NTSR2: variants seen among roughly 807,000 people sequenced by gnomAD.
NTSR2 encodes the protein neurotensin receptor 2.
NTSR2 carries 22 observed loss-of-function variants against 24.1 expected under a neutral mutation model. That is an observed-to-expected ratio of 0.91 (90% CI 0.65 to 1.30). NTSR2 has a LOEUF of 1.30. Among genes scored for constraint, NTSR2 ranks in the 50% most tolerant of loss-of-function variants. The probability of loss-of-function intolerance (pLI) is 0.00; values close to 1 mark genes in which losing one functional copy is unlikely to be tolerated. For missense variants in NTSR2, 570 were observed against 570.4 expected, an observed-to-expected ratio of 1.00 and a Z score of 0.01; for synonymous variants, 291 against 267.0, an observed-to-expected ratio of 1.09 and a Z score of -0.88.
chr2:11,670,068 G>T lies in NTSR2; in HGVS notation c.62C>A (p.Ala21Asp). The stretch of plus-strand genomic sequence containing the variant: ...GAGGCGAGTGTCCACGCCCAGCCGG[G>T]CGTCCAGGCTCAGCCCCGGGTTGGA... ...PSSNPGLSLD[A>D]RLGVDTRLWA... is the part of the protein sequence containing the mutation. The change falls in exon 1 of 4, where the codon GCC becomes GAC. Residue 21 changes from alanine (A) to aspartate (D), a missense_variant. Ala to Asp is a moderately radical substitution (Grantham distance 126). Coordinates refer to ENST00000306928, the MANE Select transcript of NTSR2 (RefSeq NM_012344.4). 2 of 1,464,326 alleles carry T rather than the reference G, an allele frequency of 1.4e-6. No individual in the cohort carries two copies. The highest frequency in any genetic ancestry group is 1.8e-6 in the Non-Finnish European group (2 of 1,115,492). 90.7% of individuals were successfully genotyped at this position (1,464,326 alleles called of 1,614,324 possible).
At chr2:11,662,363 G>T in intron 1 of NTSR2, 123 bp from the exon 2 acceptor site, 1 of 938,108 alleles carries the variant, frequency 1.1e-6, no homozygotes, top group Non-Finnish European at 1.5e-6. Context: ...TAGAAGATAA[G>T]GTTGAGAAAG....
In NTSR2 at chr2:11,665,869, C is replaced by T. The variant is rs557979025; in HGVS notation, c.625-3629G>A. The T allele has an allele frequency of 1.5e-3, 227 of 155,620 alleles. 1 individual carries two copies. In the South Asian group the frequency reaches 0.018, roughly 12 times the overall value. The allele number at this position is 155,620 out of a possible 1,614,324, so 9.6% of individuals were successfully genotyped here. A position where few individuals can be genotyped will look rare whatever the true frequency, so the allele number is the denominator to read the frequency against. On this transcript the variant is annotated intron_variant, in intron 1 of 3. Transcript: ENST00000306928. ...ACCTTTCCTCTTGGCTTTGTAGACA[C>T]GACCCCAAGTGCCTCAGCCTACTTT...
intron 3 of NTSR2, 92 bp downstream of exon 3, chr2:11,659,951 A>C (rs909777809): frequency 7.2e-5 from 70 of 975,840 alleles, no homozygotes; most frequent in Non-Finnish European, 1.1e-4. Context: ...AGGACCCAGC[A>C]ATGGAGGGTC....
chr2:11,658,775 G>A (rs1660997306), intron 3 of NTSR2, 53 bp from the exon 4 acceptor site: 1 of 1,591,824 alleles, frequency 6.3e-7, no homozygotes, highest in Non-Finnish European at 8.6e-7. Flanking sequence ...TCCTCACAGT[G>A]TCCACTTCCT....
At chr2:11,659,644 C>T (rs982246954) in intron 3 of NTSR2, among the ~76,000 whole-genome samples, 1 of 152,226 alleles carries the variant, frequency 6.6e-6, no homozygotes, top group African/African-American at 2.4e-5. Flanking sequence ...ATGTCTTGGT[C>T]TCTGCCAAGG....
In NTSR2 at chr2:11,660,145, TGGAAAG is replaced by T; in HGVS notation, c.899-18_899-13del. On this transcript the variant is annotated splice_polypyrimidine_tract_variant and intron_variant, in intron 2 of 3. Coordinates refer to ENST00000306928, the MANE Select transcript of NTSR2 (RefSeq NM_012344.4). ...GACCACGATGGCTCCTGCAGAGCAT[TGGAAAG>T]GGAGAGACAGCGCCAGGAGAAAGCA... The T allele has an allele frequency of 1.2e-6, 2 of 1,608,408 alleles. No individual in the cohort carries two copies. Among genetic ancestry groups the T allele is most frequent in the African/African-American group, 1.3e-5 (1 of 74,900 alleles).
chr2:11,665,055 G>GTTTTTTT (rs34751276), intron 1 of NTSR2, among the ~76,000 whole-genome samples: 3 of 106,678 alleles, frequency 2.8e-5, no homozygotes, highest in Admixed American at 9.8e-5. Context: ...CTTTGGCACT[G>GTTTTTTT]TTTTTTTTTT....
At position 11,669,565 on chromosome 2, in the gene NTSR2, G is replaced by T; in HGVS notation, c.565C>A (p.Pro189Thr). The T allele has an allele frequency of 6.4e-7, 1 of 1,566,274 alleles. No individual in the cohort carries two copies. The highest frequency in any genetic ancestry group is 8.6e-7 in the Non-Finnish European group (1 of 1,164,232). The change falls in exon 1 of 4, where the codon CCC becomes ACC. Residue 189 changes from proline (P) to threonine (T), a missense_variant. By Grantham distance (38) the Pro-to-Thr change is conservative. Coordinates refer to ENST00000306928, the MANE Select transcript of NTSR2 (RefSeq NM_012344.4). ...ELETADGEPE[P>T]ASRVCTVLVS... ...AGCACCGTGCACACTCGCGAGGCGG[G>T]CTCCGGCTCCCCGTCCGCCGTCTCG... is the stretch of plus-strand genomic sequence containing the variant.
chr2:11,667,336 G>GTA (rs1475848493), intron 1 of NTSR2, among the ~76,000 whole-genome samples: 2 of 152,164 alleles, frequency 1.3e-5, no homozygotes, highest in Non-Finnish European at 2.9e-5. Context: ...AACAGATTAT[G>GTA]AACTTTTAAT....
chr2:11,664,862 C>T (rs1160260004), intron 1 of NTSR2, among the ~76,000 whole-genome samples: 1 of 152,038 alleles, frequency 6.6e-6, no homozygotes, highest in Non-Finnish European at 1.5e-5. Context: ...TAATTTGAGT[C>T]TGGTTATTTT....
At chr2:11,665,044 A>T (rs959888407) in intron 1 of NTSR2, among the ~76,000 whole-genome samples, 2 of 141,654 alleles carry the variant, frequency 1.4e-5, no homozygotes, top group Non-Finnish European at 3.0e-5. Context: ...ATTGCTTGGC[A>T]CTTTGGCACT....
intron 1 of NTSR2, 47 bp downstream of exon 1, chr2:11,669,459 C>CCGGGGGGGGGGGGGGGGG: frequency 1.2e-5 from 4 of 337,894 alleles, no homozygotes; most frequent in Non-Finnish European, 2.1e-5. Context: ...CTCCCAGCAC[C>CCGGGGGGGGGGGGGGGGG]GCCCCCCCAC....
intron 1 of NTSR2, among the ~76,000 whole-genome samples, chr2:11,663,523 A>G (rs545909677): frequency 6.6e-6 from 1 of 152,374 alleles, no homozygotes; most frequent in East Asian, 1.9e-4. Flanking sequence ...TTAAAAAACT[A>G]TGCAAATGAA....
rs574744701 is a variant in NTSR2, at chr2:11,661,546, A to G, written c.898+421T>C. Among the ~76,000 whole-genome samples the G allele has an allele frequency of 3.4e-4, 52 of 152,308 alleles. 1 individual carries two copies. Among genetic ancestry groups the G allele is most frequent in the Non-Finnish European group, 7.4e-4 (50 of 68,016 alleles). Reference sequence around the variant, plus strand: ...AGGCCAAATTTTCCCAGAGACTTACAAAACAAGAAAGCAAACAGATCAGTG... The same window carrying G: ...AGGCCAAATTTTCCCAGAGACTTACGAAACAAGAAAGCAAACAGATCAGTG... On this transcript the variant is annotated intron_variant, in intron 2 of 3. Transcript: ENST00000306928.
Position 11,669,927 on chromosome 2 carries a change from A to C in NTSR2, c.203T>G (p.Leu68Arg). The change falls in exon 1 of 4, where the codon CTG becomes CGG. Residue 68 changes from leucine (L) to arginine (R), a missense_variant. By Grantham distance (102) the Leu-to-Arg change is moderately radical. Transcript: ENST00000306928. ...CGCCAGGCTGAGCACGTGGTGGCGC[A>C]GGCGCCCCGCGCGCCCGGCCCGCGC... Reference protein sequence around the residue: ...LKARAGRAGRLRHHVLSLALA... With the variant: ...LKARAGRAGRRRHHVLSLALA... 1 of 1,533,632 alleles carries C rather than the reference A, an allele frequency of 6.5e-7. No homozygotes were observed. The highest frequency in any genetic ancestry group is 8.7e-7 in the Non-Finnish European group (1 of 1,146,570).
In NTSR2 at chr2:11,660,096, C is replaced by T. The variant is rs148638326; in HGVS notation, c.936G>A (p.Pro312=). 4.1e-5 allele frequency: 66 copies of T among 1,613,670 alleles called. 1 individual carries two copies. The highest frequency in any genetic ancestry group is 4.7e-5 in the Non-Finnish European group (55 of 1,179,990). Residue 312 remains proline, a synonymous_variant, in exon 3 of 4, where the codon CCG becomes CCA. Transcript: ENST00000306928. ...IVVMYVICWL[P]YHARRLMYCY... is the part of the protein sequence containing the mutation. ...AGTACATGAGCCTGCGGGCATGGTACGGCAGCCAGCAGATGACATACATGA... is the reference window on the plus strand; with the variant it reads ...AGTACATGAGCCTGCGGGCATGGTATGGCAGCCAGCAGATGACATACATGA...
Position 11,670,109 on chromosome 2 carries a change from C to G in NTSR2, c.21G>C (p.Arg7=). 7.2e-7 allele frequency: 1 copy of G among 1,387,880 alleles called. No individual in the cohort carries two copies. The highest frequency in any genetic ancestry group is 1.6e-5 in the South Asian group (1 of 60,860). 86.0% of individuals were successfully genotyped at this position (1,387,880 alleles called of 1,614,324 possible). METSSP[R]PPRPSSNPGL... ...CCGGGTTGGAGCTGGGCCGCGGGGGCCGCGGGCTGCTGGTTTCCATCCCGC... is the reference window on the plus strand; with the variant it reads ...CCGGGTTGGAGCTGGGCCGCGGGGGGCGCGGGCTGCTGGTTTCCATCCCGC... Residue 7 remains arginine, a synonymous_variant, in exon 1 of 4, where the codon CGG becomes CGC. Coordinates refer to ENST00000306928, the MANE Select transcript of NTSR2 (RefSeq NM_012344.4).
intron 1 of NTSR2, among the ~76,000 whole-genome samples, chr2:11,663,991 A>G (rs947346864): frequency 1.3e-5 from 2 of 152,278 alleles, no homozygotes; most frequent in East Asian, 3.9e-4. Flanking sequence ...ACTTAGAAAA[A>G]TGAATTTATT....
chr2:11,664,129 A>ATTT (rs36027827), intron 1 of NTSR2, among the ~76,000 whole-genome samples: 3,364 of 143,318 alleles, frequency 0.023, 105 homozygotes, highest in East Asian at 0.084. Flanking sequence ...AACACTGAGC[A>ATTT]TTTTTTTTTT....
Sources: allele counts gnomAD v4.1 joint callset (sites outside exome capture counted in the v4.1 genomes callset), GRCh38; gene constraint gnomAD v4.1.1; transcripts MANE v1.5; gene names NCBI Gene and HGNC (gene_info 2026-07-23, HGNC 2026-07-21).